Variants in SOX6 observed in about 807,000 individuals in gnomAD.
The protein encoded by SOX6 is transcription factor SOX-6.
A neutral mutation model predicts 97.8 loss-of-function variants in SOX6; 11 were observed. The ratio of observed to expected loss-of-function variants is 0.11; its 90% CI spans 0.07 to 0.19. SOX6 has a LOEUF of 0.19. Ranked by LOEUF, SOX6 falls within the 10% of genes least tolerant of loss-of-function variation. The pLI, the probability that SOX6 is intolerant of heterozygous loss-of-function variation, is 1.00. For synonymous variants in SOX6, 360 were observed against 371.4 expected (o/e 0.97, Z 0.35); for missense variants, 810 against 1,039.5 (o/e 0.78, Z 3.04).
intron 1 of SOX6, among the ~76,000 whole-genome samples, chr11:16,401,762 T>C (rs1280266734): frequency 6.6e-6 from 1 of 151,472 alleles, no homozygotes; most frequent in Non-Finnish European, 1.5e-5. Flanking sequence ...GATACAGCAA[T>C]AGGGTGGTTG....
intron 1 of SOX6, among the ~76,000 whole-genome samples, chr11:16,442,942 C>T (rs187948879): frequency 6.6e-6 from 1 of 152,118 alleles, no homozygotes; most frequent in Non-Finnish European, 1.5e-5. Flanking sequence ...TAATCAAGTG[C>T]ACCACCAAAA....
intron 3 of SOX6, chr11:16,284,059 G>A (rs1331400605): frequency 1.7e-5 from 4 of 238,802 alleles, no homozygotes; most frequent in Non-Finnish European, 3.3e-5. Flanking sequence ...CAAGAAAGAA[G>A]TGTTATTTTC....
At chr11:16,024,546 T>C (rs2133875637) in intron 12 of SOX6, among the ~76,000 whole-genome samples, 1 of 151,476 alleles carries the variant, frequency 6.6e-6, no homozygotes, top group Non-Finnish European at 1.5e-5. Flanking sequence ...TCAAAAGTTG[T>C]CCTTTAAAGG....
intron 4 of SOX6, among the ~76,000 whole-genome samples, chr11:16,521,335 T>C (rs562056829): frequency 6.6e-6 from 1 of 152,268 alleles, no homozygotes; most frequent in East Asian, 1.9e-4. Flanking sequence ...AAATCCACTG[T>C]TCTGCTGCCA....
At chr11:16,303,304 T>C (rs972993853) in intron 3 of SOX6, among the ~76,000 whole-genome samples, 1 of 152,196 alleles carries the variant, frequency 6.6e-6, no homozygotes, top group African/African-American at 2.4e-5. Context: ...ATAACAGGCA[T>C]TGTGAAGATA....
chr11:16,277,383 A>G (rs1854432341), intron 3 of SOX6, among the ~76,000 whole-genome samples: 1 of 152,132 alleles, frequency 6.6e-6, no homozygotes, highest in Non-Finnish European at 1.5e-5. Context: ...GACAGCCCTG[A>G]CAAGGAACCA....
chr11:16,729,862 G>C (rs1344883584), intron 2 of SOX6, among the ~76,000 whole-genome samples: 2 of 151,892 alleles, frequency 1.3e-5, no homozygotes, highest in African/African-American at 4.8e-5. Context: ...TCAAAATAAA[G>C]GGATAGAGGA....
At chr11:16,254,464 C>T (rs1007091426) in intron 3 of SOX6, among the ~76,000 whole-genome samples, 3 of 151,886 alleles carry the variant, frequency 2.0e-5, no homozygotes, top group African/African-American at 7.2e-5. Context: ...GAAGGAATGA[C>T]AGCAGTAATA....
intron 6 of SOX6, among the ~76,000 whole-genome samples, chr11:16,136,591 C>A (rs945860747): frequency 3.3e-5 from 5 of 151,602 alleles, no homozygotes. Flanking sequence ...ATGGTCACAC[C>A]CAACTAATTT....
intron 3 of SOX6, among the ~76,000 whole-genome samples, chr11:16,277,260 A>G (rs1854430197): frequency 6.6e-6 from 1 of 151,952 alleles, no homozygotes; most frequent in South Asian, 2.1e-4. Flanking sequence ...TCATAACAGG[A>G]CTATTGACCT....
chr11:16,718,966 T>A (rs1265234587), intron 2 of SOX6, among the ~76,000 whole-genome samples: 6 of 148,184 alleles, frequency 4.0e-5, no homozygotes, highest in African/African-American at 1.5e-4. Context: ...ACCTTTCCTT[T>A]ATTTTTAAAA....
chr11:16,157,892 A>G (rs1447828404), intron 6 of SOX6, among the ~76,000 whole-genome samples: 1 of 151,884 alleles, frequency 6.6e-6, no homozygotes, highest in Non-Finnish European at 1.5e-5. Flanking sequence ...TTCATATCAA[A>G]TGTCACTTCT....
intron 3 of SOX6, among the ~76,000 whole-genome samples, chr11:16,616,199 A>C (rs899772533): frequency 6.6e-6 from 1 of 152,242 alleles, no homozygotes; most frequent in Non-Finnish European, 1.5e-5. Flanking sequence ...GCCTAGAAAA[A>C]TTTGGTAAAT....
chr11:16,013,240 C>T (rs1854783217), intron 13 of SOX6, among the ~76,000 whole-genome samples: 1 of 152,046 alleles, frequency 6.6e-6, no homozygotes, highest in Admixed American at 6.6e-5. Flanking sequence ...AATAAACAGA[C>T]TGAATACTCC....
intron 2 of SOX6, among the ~76,000 whole-genome samples, chr11:16,729,705 A>C (rs548025177): frequency 5.3e-5 from 8 of 152,190 alleles, no homozygotes; most frequent in Non-Finnish European, 1.2e-4. Flanking sequence ...CATCATAATG[A>C]CAGGATCAAA....
intron 4 of SOX6, among the ~76,000 whole-genome samples, chr11:16,231,209 C>T (rs1178885238): frequency 1.3e-5 from 2 of 151,482 alleles, no homozygotes; most frequent in Admixed American, 6.6e-5. Flanking sequence ...GAAAATAAAG[C>T]AAATGACAAA....
intron 9 of SOX6, among the ~76,000 whole-genome samples, chr11:16,069,441 T>A (rs1210031623): frequency 1.1e-4 from 17 of 152,156 alleles, no homozygotes; most frequent in Non-Finnish European, 2.2e-4. Flanking sequence ...TTGGTTTGGG[T>A]TATATGAAAA....
rs371541784 is a variant in SOX6 at position 16,087,257 on chromosome 11, G to A, written c.1101+8739C>T. 2.0e-5 allele frequency among the ~76,000 whole-genome samples: 3 copies of A among 151,980 alleles called. No individual in the cohort carries two copies. The East Asian group carries it at 5.8e-4, about 29-fold the overall frequency. ...TATACATATATGTATGTATATATGTGTACACATATAATATTAATACTACTC... is the reference window on the plus strand; with the variant it reads ...TATACATATATGTATGTATATATGTATACACATATAATATTAATACTACTC... On this transcript the variant is annotated intron_variant, in intron 9 of 15. Coordinates refer to ENST00000683767, the MANE Select transcript of SOX6 (RefSeq NM_001367873.1).
chr11:16,029,889 C>T (rs1387645712), intron 12 of SOX6, among the ~76,000 whole-genome samples: 1 of 152,098 alleles, frequency 6.6e-6, no homozygotes, highest in Admixed American at 6.6e-5. Flanking sequence ...TTTAACTCTA[C>T]TGCATATATT....
Sources: allele counts gnomAD v4.1 joint callset (sites outside exome capture counted in the v4.1 genomes callset), GRCh38; gene constraint gnomAD v4.1.1; transcripts MANE v1.5; gene names NCBI Gene and HGNC (gene_info 2026-07-23, HGNC 2026-07-21).